DBF4: variants seen among roughly 807,000 people sequenced by gnomAD.
The protein encoded by DBF4 is protein DBF4 homolog A.
Under a neutral mutation model 76.6 loss-of-function variants are expected in DBF4, and 25 were observed. The ratio of observed to expected loss-of-function variants is 0.33; its 90% CI spans 0.24 to 0.46. DBF4 has a LOEUF of 0.46. Ranked by LOEUF, DBF4 falls within the 20% of genes least tolerant of loss-of-function variation. The probability of loss-of-function intolerance (pLI) is 1.00; values close to 1 mark genes in which losing one functional copy is unlikely to be tolerated. For missense variants in DBF4, 638 were observed against 760.8 expected (o/e 0.84, Z 1.90); for synonymous variants, 213 against 258.0 (o/e 0.83, Z 1.67).
chr7:87,891,641 T>G (rs1384005827), intron 6 of DBF4, among the ~76,000 whole-genome samples: 1 of 152,192 alleles, frequency 6.6e-6, no homozygotes, highest in Non-Finnish European at 1.5e-5. Context: ...CTTCCATTCC[T>G]GATAATGCTA....
intron 2 of DBF4, among the ~76,000 whole-genome samples, chr7:87,879,313 T>C (rs955019838): frequency 6.6e-6 from 1 of 152,212 alleles, no homozygotes; most frequent in African/African-American, 2.4e-5. Context: ...ACTGTTAATA[T>C]ATTTTATTTA....
rs764405261 is a variant in DBF4 at position 87,878,092 on chromosome 7, T to C, written c.86T>C (p.Leu29Pro). The change falls in exon 2 of 12, where the codon CTG (leucine) becomes CCG (proline). Residue 29 changes from leucine (L) to proline (P), a missense_variant. Leu to Pro is a moderately conservative substitution (Grantham distance 98). Coordinates refer to ENST00000265728, the MANE Select transcript of DBF4 (RefSeq NM_006716.4). ...QVKNEKNRPS[L>P]KSLKTDNRPE... ...AAAAATGAAAAAAACAGACCATCTCTGAAATCTCTGAAAACTGATAACAGG... is the reference window on the plus strand; with the variant it reads ...AAAAATGAAAAAAACAGACCATCTCCGAAATCTCTGAAAACTGATAACAGG... The C allele has an allele frequency of 6.2e-7, 1 of 1,610,256 alleles. No individual in the cohort carries two copies. Among genetic ancestry groups the C allele is most frequent in the Non-Finnish European group, 8.5e-7 (1 of 1,179,190 alleles).
rs747337283 is a variant in DBF4 at position 87,885,064 on chromosome 7, T to C, written c.305T>C (p.Ile102Thr). 6.2e-7 allele frequency: 1 copy of C among 1,613,868 alleles called. No homozygotes were observed. ...EAKFAQTLGR[I>T]SPVPSPESAY... is the part of the protein sequence containing the mutation. The stretch of plus-strand genomic sequence containing the variant: ...AAATTTGCACAAACCTTGGGTCGAA[T>C]TTCTCCTGTACCAAGTCCAGAATCT... Residue 102 changes from isoleucine to threonine, a missense_variant, in exon 3 of 12, where the codon ATT (isoleucine) becomes ACT (threonine). Coordinates refer to ENST00000265728, the MANE Select transcript of DBF4 (RefSeq NM_006716.4).
chr7:87,903,402 G>A (rs1322754089), intron 10 of DBF4, among the ~76,000 whole-genome samples: 1 of 152,126 alleles, frequency 6.6e-6, no homozygotes, highest in Non-Finnish European at 1.5e-5. Context: ...TTAAGAATGA[G>A]AATAACTTCT....
intron 10 of DBF4, among the ~76,000 whole-genome samples, chr7:87,902,927 G>C (rs1038412428): frequency 6.6e-6 from 1 of 152,158 alleles, no homozygotes; most frequent in Non-Finnish European, 1.5e-5. Flanking sequence ...TCTAGAGGAA[G>C]CTTCTAAGTA....
Position 87,876,700 on chromosome 7 carries a change from C to T in DBF4, c.-33C>T, listed in dbSNP as rs1185678004. 2 of 1,613,316 alleles carry T rather than the reference C, an allele frequency of 1.2e-6. No individual in the cohort carries two copies. The highest frequency in any genetic ancestry group is 2.7e-5 in the African/African-American group (2 of 74,902). On this transcript the variant is annotated 5_prime_UTR_variant, in exon 1 of 12. Coordinates refer to ENST00000265728, the MANE Select transcript of DBF4 (RefSeq NM_006716.4). The stretch of plus-strand genomic sequence containing the variant: ...GCGGCTGCCCGGTGCGACACTTTCT[C>T]CGGACCCAGCATGTAGGTGCCGGGC...
chr7:87,890,381 A>G (rs1373519748), intron 6 of DBF4, among the ~76,000 whole-genome samples: 6 of 152,150 alleles, frequency 3.9e-5, no homozygotes, highest in Non-Finnish European at 8.8e-5. Flanking sequence ...TAAAAATACA[A>G]AAATGCCCGG....
At chr7:87,901,094 T>G (rs1839774594) in intron 10 of DBF4, among the ~76,000 whole-genome samples, 1 of 152,094 alleles carries the variant, frequency 6.6e-6, no homozygotes, top group South Asian at 2.1e-4. Context: ...CAGACTTAAT[T>G]TTTTACCGTT....
intron 2 of DBF4, among the ~76,000 whole-genome samples, chr7:87,883,899 C>G (rs1839278860): frequency 6.6e-6 from 1 of 152,108 alleles, no homozygotes. Flanking sequence ...CATATTTATA[C>G]TATGTATTTT....
At chr7:87,902,716 C>T (rs138527946) in intron 10 of DBF4, among the ~76,000 whole-genome samples, 171 of 152,246 alleles carry the variant, frequency 1.1e-3, no homozygotes, top group Non-Finnish European at 2.0e-3. Context: ...TCTGAGCTTA[C>T]AAGATTTGAT....
intron 2 of DBF4, among the ~76,000 whole-genome samples, chr7:87,878,982 G>A (rs963433799): frequency 6.6e-6 from 1 of 151,940 alleles, no homozygotes; most frequent in Non-Finnish European, 1.5e-5. Flanking sequence ...ATTCTATATG[G>A]CCTAGGTTGG....
chr7:87,895,992 T>G (rs1193571260), intron 6 of DBF4, among the ~76,000 whole-genome samples: 1 of 152,224 alleles, frequency 6.6e-6, no homozygotes. Flanking sequence ...CAGTTTTGAC[T>G]TCCTTCCACA....
chr7:87,879,964 A>T (rs527736518), intron 2 of DBF4, among the ~76,000 whole-genome samples: 1 of 152,042 alleles, frequency 6.6e-6, no homozygotes, highest in Non-Finnish European at 1.5e-5. Flanking sequence ...AAAAAAAAAA[A>T]AAAGGTAGCT....
At chr7:87,903,850 A>C (rs1839850400) in intron 10 of DBF4, among the ~76,000 whole-genome samples, 1 of 152,006 alleles carries the variant, frequency 6.6e-6, no homozygotes, top group African/African-American at 2.4e-5. Flanking sequence ...ATGTGCCACC[A>C]GGCCCAGCCG....
chr7:87,882,572 G>A (rs1839243467), intron 2 of DBF4, among the ~76,000 whole-genome samples: 1 of 152,146 alleles, frequency 6.6e-6, no homozygotes, highest in Admixed American at 6.5e-5. Context: ...CATCTGCTAA[G>A]GGATTAATAT....
intron 10 of DBF4, among the ~76,000 whole-genome samples, chr7:87,903,412 T>C (rs963098668): frequency 1.3e-5 from 2 of 152,234 alleles, no homozygotes; most frequent in African/African-American, 4.8e-5. Context: ...GAATAACTTC[T>C]GTATACTCTG....
intron 6 of DBF4, among the ~76,000 whole-genome samples, chr7:87,895,721 T>C (rs369954756): frequency 4.6e-5 from 7 of 152,350 alleles, no homozygotes; most frequent in African/African-American, 1.7e-4. Context: ...AATCTCCAGC[T>C]TGCAGTGGCC....
chr7:87,892,326 A>G (rs1839512880), intron 6 of DBF4, among the ~76,000 whole-genome samples: 1 of 152,194 alleles, frequency 6.6e-6, no homozygotes, highest in Non-Finnish European at 1.5e-5. Flanking sequence ...AGTGTCATAT[A>G]GTTGGAATCA....
At chr7:87,900,653 A>G (rs770352805) in intron 9 of DBF4, 111 bp from the exon 10 acceptor site, 2 of 888,258 alleles carry the variant, frequency 2.3e-6, no homozygotes, top group Non-Finnish European at 3.5e-6. Flanking sequence ...ACTTGCTGAT[A>G]CAAGTCTCTG....
Sources: allele counts gnomAD v4.1 joint callset (sites outside exome capture counted in the v4.1 genomes callset), GRCh38; gene constraint gnomAD v4.1.1; transcripts MANE v1.5; gene names NCBI Gene and HGNC (gene_info 2026-07-23, HGNC 2026-07-21).